The following SV2B variants were observed in gnomAD, a reference collection of about 807,000 sequenced individuals.
SV2B encodes the protein synaptic vesicle glycoprotein 2B, also known as solute carrier family 22 member B2.
SV2B carries 41 observed loss-of-function variants against 73.9 expected under a neutral mutation model. That is an observed-to-expected ratio of 0.56 (90% CI 0.43 to 0.72). The LOEUF (loss-of-function observed/expected upper bound fraction) is 0.72. SV2B is among the 30% of genes least tolerant of loss of function. The pLI, the probability that SV2B is intolerant of heterozygous loss-of-function variation, is 0.00. For missense variants in SV2B, 764 were observed against 857.8 expected (o/e 0.89, Z 1.37); for synonymous variants, 314 against 314.2 (o/e 1.00, Z 0.01).
intron 1 of SV2B, among the ~76,000 whole-genome samples, chr15:91,190,226 A>T (rs936725438): frequency 1.3e-5 from 2 of 152,074 alleles, no homozygotes; most frequent in African/African-American, 4.8e-5. Flanking sequence ...ATTTATGTTC[A>T]TCTTTTATCT....
At chr15:91,207,176 T>C (rs111880838) in intron 1 of SV2B, among the ~76,000 whole-genome samples, 4,766 of 150,656 alleles carry the variant, frequency 0.032, 201 homozygotes, top group East Asian at 0.12. Flanking sequence ...CACACGCCAT[T>C]ATGCCTGGCT....
rs2042687319 is a variant in SV2B, at chr15:91,132,532, G to C, written c.-392+32169G>C. On this transcript the variant is annotated intron_variant, in intron 1 of 12. Transcript: ENST00000394232. The surrounding 1 kb of genome is among the most constrained non-coding windows in gnomAD (Gnocchi z 4.6). ...GGACCCTCATTCAGTCTGATTTATT[G>C]CAGACAGCCAATTTTCCATCTGCTC... Among the ~76,000 whole-genome samples, 2 of 152,240 alleles carry C rather than the reference G, an allele frequency of 1.3e-5. No homozygotes were observed. The highest frequency in any genetic ancestry group is 1.3e-4 in the Admixed American group (2 of 15,290).
chr15:91,138,245 T>C (rs1334852059), intron 1 of SV2B, among the ~76,000 whole-genome samples: 3 of 152,224 alleles, frequency 2.0e-5, no homozygotes, highest in African/African-American at 7.2e-5. Flanking sequence ...ATGTTCTGTA[T>C]CTGCACAGTC....
chr15:91,199,139 C>A (rs2285530), intron 1 of SV2B, among the ~76,000 whole-genome samples: 108,708 of 151,880 alleles, frequency 0.72, 39,634 homozygotes, highest in African/African-American at 0.86. Flanking sequence ...AGATGGGATT[C>A]TAGGTGTGTG....
chr15:91,201,570 T>C (rs1874388099), intron 1 of SV2B, among the ~76,000 whole-genome samples: 1 of 152,174 alleles, frequency 6.6e-6, no homozygotes, highest in African/African-American at 2.4e-5. Context: ...ATAGCTAACT[T>C]CCATGACTCC....
At chr15:91,204,270 T>C (rs1240985037) in intron 1 of SV2B, among the ~76,000 whole-genome samples, 1 of 152,216 alleles carries the variant, frequency 6.6e-6, no homozygotes, top group Non-Finnish European at 1.5e-5. Flanking sequence ...TTTACAGTTT[T>C]ATTTTACAAA....
chr15:91,251,099 A>G (rs1002729663), intron 2 of SV2B, among the ~76,000 whole-genome samples: 2 of 152,266 alleles, frequency 1.3e-5, no homozygotes, highest in African/African-American at 2.4e-5. Flanking sequence ...GCATAAACAC[A>G]GACATATAGA....
chr15:91,166,895 G>A (rs12899894), intron 1 of SV2B, among the ~76,000 whole-genome samples: 108,975 of 150,342 alleles, frequency 0.72, 40,035 homozygotes, highest in African/African-American at 0.83. Context: ...CTCACTGCAA[G>A]CTCCGCCTTC....
intron 1 of SV2B, among the ~76,000 whole-genome samples, chr15:91,211,165 G>A (rs1446201006): frequency 6.6e-6 from 1 of 152,234 alleles, no homozygotes; most frequent in Non-Finnish European, 1.5e-5. Flanking sequence ...GCCATGAGGC[G>A]GGGGCTGATG....
chr15:91,274,809 GT>G (rs1165582568), intron 9 of SV2B, among the ~76,000 whole-genome samples: 1 of 152,094 alleles, frequency 6.6e-6, no homozygotes, highest in Non-Finnish European at 1.5e-5. Flanking sequence ...TTAGGACTTT[GT>G]TTTTGTTGTT....
chr15:91,100,119 C>A (rs2041678568), upstream of SV2B: 2 of 152,190 alleles, frequency 1.3e-5, no homozygotes, highest in Non-Finnish European at 2.9e-5. This position sits in a 1 kb window ranked among gnomAD's most constrained non-coding sequence, Gnocchi z 6.4. Flanking sequence ...GATCTGATCC[C>A]GCTGAGTAGA....
At chr15:91,248,146 C>A (rs2047320316) in intron 2 of SV2B, among the ~76,000 whole-genome samples, 1 of 152,092 alleles carries the variant, frequency 6.6e-6, no homozygotes, top group Non-Finnish European at 1.5e-5. Context: ...ACGGTGAAAC[C>A]CCGTCTCTAC....
At chr15:91,164,310 G>C (rs942988077) in intron 1 of SV2B, among the ~76,000 whole-genome samples, 2 of 152,162 alleles carry the variant, frequency 1.3e-5, no homozygotes, top group Admixed American at 1.3e-4. Context: ...TAAGCAAAAA[G>C]AACAAAGCAG....
Position 91,124,364 on chromosome 15 carries a change from G to T in SV2B, c.-392+24001G>T, listed in dbSNP as rs887681201. On this transcript the variant is annotated intron_variant, in intron 1 of 12. Coordinates refer to ENST00000394232, the MANE Select transcript of SV2B (RefSeq NM_001323032.3). The surrounding 1 kb of genome is among the most constrained non-coding windows in gnomAD (Gnocchi z 4.6). ...TCTTGGGAGGATTGTGAAGCTAATGGCACCTCCTTCCTCAGGAAGTGAGAC... is the reference window on the plus strand; with the variant it reads ...TCTTGGGAGGATTGTGAAGCTAATGTCACCTCCTTCCTCAGGAAGTGAGAC... 1.3e-5 allele frequency among the ~76,000 whole-genome samples: 2 copies of T among 152,122 alleles called. No individual in the cohort carries two copies. The highest frequency in any genetic ancestry group is 4.8e-5 in the African/African-American group (2 of 41,438).
At chr15:91,153,104 A>G (rs2043364838) in intron 1 of SV2B, among the ~76,000 whole-genome samples, 2 of 152,142 alleles carry the variant, frequency 1.3e-5, no homozygotes, top group Admixed American at 6.5e-5. Flanking sequence ...CTCTGTCCTT[A>G]TATGGCAGGG....
chr15:91,286,874 G>A (rs1483772996), intron 11 of SV2B, among the ~76,000 whole-genome samples: 1 of 152,172 alleles, frequency 6.6e-6, no homozygotes, highest in Non-Finnish European at 1.5e-5. Context: ...GGGCCCTGGG[G>A]ACTTATAGCA....
intron 1 of SV2B, among the ~76,000 whole-genome samples, chr15:91,158,685 T>TCTTCCCTTCCCTTCC (rs2043587156): frequency 1.6e-5 from 1 of 61,470 alleles, no homozygotes; most frequent in Non-Finnish European, 3.2e-5. Flanking sequence ...TCTTCTCTTC[T>TCTTCCCTTCCCTTCC]CTTCTCTTCT....
At chr15:91,276,903 T>C (rs6496783) in intron 9 of SV2B, among the ~76,000 whole-genome samples, 69,391 of 151,146 alleles carry the variant, frequency 0.46, 17,303 homozygotes, top group African/African-American at 0.65. Flanking sequence ...CTCACCGCAA[T>C]CTCTGCCTCC....
chr15:91,125,678 G>A (rs137969034), intron 1 of SV2B, among the ~76,000 whole-genome samples: 266 of 151,444 alleles, frequency 1.8e-3, no homozygotes, highest in Non-Finnish European at 2.0e-3. Flanking sequence ...GGGAGGCTGA[G>A]GTGGGAGGAA....
Sources: gnomAD v4.1 joint callset for allele counts (sites outside exome capture counted in the v4.1 genomes callset) on GRCh38, gnomAD v4.1.1 for gene constraint, Gnocchi (gnomAD v3.1) non-coding constraint, MANE v1.5 for transcripts, NCBI Gene and HGNC (gene_info 2026-07-23, HGNC 2026-07-21) for gene names.